The following CEMIP variants were observed in gnomAD, a reference collection of about 807,000 sequenced individuals.
CEMIP encodes cell migration-inducing and hyaluronan-binding protein.
Under a neutral mutation model 156.9 loss-of-function variants are expected in CEMIP, and 105 were observed. The observed-to-expected ratio is 0.67, with a 90% CI of 0.57 to 0.79. The LOEUF (loss-of-function observed/expected upper bound fraction) is 0.79, where lower values mean the gene tolerates loss of function less well. Ranked by LOEUF, CEMIP falls within the 30% of genes least tolerant of loss-of-function variation. The pLI is 0.00. For missense variants in CEMIP, 1,457 were observed against 1,769.4 expected, an observed-to-expected ratio of 0.82 and a Z score of 3.17; for synonymous variants, 676 against 668.4, an observed-to-expected ratio of 1.01 and a Z score of -0.17.
intron 10 of CEMIP, among the ~76,000 whole-genome samples, chr15:80,890,468 T>C (rs1380824918): frequency 1.3e-5 from 2 of 151,286 alleles, no homozygotes; most frequent in Non-Finnish European, 2.9e-5. Context: ...CGGGTGCCTG[T>C]AGTCCCAGCT....
At chr15:80,936,274 G>C (rs951550650) in intron 23 of CEMIP, among the ~76,000 whole-genome samples, 1 of 152,222 alleles carries the variant, frequency 6.6e-6, no homozygotes, top group African/African-American at 2.4e-5. Flanking sequence ...GCAACTGCCA[G>C]TTATAGGCGA....
At chr15:80,946,394 T>G (rs1294461541) in intron 28 of CEMIP, 1 of 155,678 alleles carries the variant, frequency 6.4e-6, no homozygotes, top group African/African-American at 2.4e-5. Context: ...AATTCTGTGG[T>G]TCTAATGAAA....
chr15:80,844,729 A>G (rs1019673719), intron 1 of CEMIP, among the ~76,000 whole-genome samples: 2 of 152,234 alleles, frequency 1.3e-5, no homozygotes, highest in African/African-American at 4.8e-5. Context: ...GCATGGAATG[A>G]GGCAGCCATG....
intron 24 of CEMIP, 21 bp downstream of exon 24, chr15:80,936,906 G>T: frequency 6.2e-7 from 1 of 1,609,466 alleles, no homozygotes; most frequent in Non-Finnish European, 8.5e-7. Context: ...GTCCAGCCAG[G>T]AGCAGTGAGC....
At chr15:80,916,480 G>C (rs968140350) in intron 14 of CEMIP, among the ~76,000 whole-genome samples, 7 of 152,224 alleles carry the variant, frequency 4.6e-5, no homozygotes, top group Non-Finnish European at 1.0e-4. Context: ...AATGGGGGGA[G>C]AACTTACATA....
At chr15:80,863,032 A>G (rs940738530) in intron 1 of CEMIP, among the ~76,000 whole-genome samples, 6 of 152,130 alleles carry the variant, frequency 3.9e-5, no homozygotes, top group African/African-American at 1.4e-4. Context: ...AGTCACTCCA[A>G]ACTGTAGGAG....
At chr15:80,885,883 G>T (rs1441609023) in intron 7 of CEMIP, among the ~76,000 whole-genome samples, 1 of 152,234 alleles carries the variant, frequency 6.6e-6, no homozygotes, top group Non-Finnish European at 1.5e-5. Context: ...TGCCAGGGCT[G>T]TTCACATGGG....
In CEMIP at chr15:80,818,121, C is replaced by T. The variant is rs77981510; in HGVS notation, c.-176+38507C>T. Among the ~76,000 whole-genome samples, 1,183 of 152,304 alleles carry T rather than the reference C, an allele frequency of 7.8e-3. 20 individuals carry two copies. Among genetic ancestry groups the T allele is most frequent in the African/African-American group, 0.026 (1,096 of 41,562 alleles). On this transcript the variant is annotated intron_variant, in intron 1 of 29. Coordinates refer to ENST00000394685, the MANE Select transcript of CEMIP (RefSeq NM_001293298.2). ...GCAGGAACAAACAATCCCCAAATTT[C>T]AGCAGCTTACTACAAAAAAATATGT...
chr15:80,781,252 G>A (rs867980860), intron 1 of CEMIP, among the ~76,000 whole-genome samples: 1 of 152,182 alleles, frequency 6.6e-6, no homozygotes, highest in Non-Finnish European at 1.5e-5. Context: ...TTAGTTTTAC[G>A]ATTAATGATA....
chr15:80,892,513 G>A (rs922935760), intron 10 of CEMIP, among the ~76,000 whole-genome samples: 2 of 152,168 alleles, frequency 1.3e-5, no homozygotes, highest in African/African-American at 2.4e-5. Context: ...GGGGACATCA[G>A]GCAGTCTGTG....
intron 5 of CEMIP, among the ~76,000 whole-genome samples, chr15:80,880,437 T>C (rs570352881): frequency 6.6e-6 from 1 of 152,292 alleles, no homozygotes; most frequent in East Asian, 1.9e-4. Context: ...TTTTTGTTGT[T>C]ATTGTTGTTG....
In CEMIP at chr15:80,909,216, A is replaced by G. The variant is rs747828428; in HGVS notation, c.1707A>G (p.Gly569=). Residue 569 remains glycine, a synonymous_variant, in exon 14 of 30, where the codon GGA becomes GGG. Coordinates refer to ENST00000394685, the MANE Select transcript of CEMIP (RefSeq NM_001293298.2). ...FHLAGDVDER[G]GYDPPTYIRD... is the part of the protein sequence containing the mutation. ...TGGCCGGTGATGTAGACGAAAGGGG[A>G]GGTTATGACCCACCCACATACATCA... 5.0e-6 allele frequency: 8 copies of G among 1,613,922 alleles called. No homozygotes were observed. The highest frequency in any genetic ancestry group is 6.8e-6 in the Non-Finnish European group (8 of 1,180,012).
At chr15:80,788,538 C>T (rs1239813265) in intron 1 of CEMIP, among the ~76,000 whole-genome samples, 4 of 151,072 alleles carry the variant, frequency 2.6e-5, no homozygotes, top group Admixed American at 1.3e-4. Context: ...TAGAAGAAAC[C>T]GGTGGTTTAT....
chr15:80,828,505 G>T (rs1423561401), intron 1 of CEMIP, among the ~76,000 whole-genome samples: 3 of 152,178 alleles, frequency 2.0e-5, no homozygotes, highest in African/African-American at 7.2e-5. Flanking sequence ...TTTGATCATA[G>T]AGCTTGATTT....
At chr15:80,897,019 C>A (rs1425918925) in intron 12 of CEMIP, among the ~76,000 whole-genome samples, 1 of 152,056 alleles carries the variant, frequency 6.6e-6, no homozygotes, top group Admixed American at 6.6e-5. Flanking sequence ...GTGTGCTCAC[C>A]CTTTGGCTAG....
rs766691380 is a variant in CEMIP at position 80,880,928 on chromosome 15, T to C, written c.409T>C (p.Tyr137His). ...TGATGAAGGTATTCAGCCGGATCCT[T>C]ACTATGGTCTGAAGTACATTGGGGT... ...RADEGIQPDP[Y>H]YGLKYIGVGK... Residue 137 changes from tyrosine (Y) to histidine (H), a missense_variant, in exon 6 of 30, where the codon TAC becomes CAC. Physicochemically the swap from Tyr to His is moderately conservative, Grantham distance 83 (BLOSUM62 2). Coordinates refer to ENST00000394685, the MANE Select transcript of CEMIP (RefSeq NM_001293298.2). 15 of 1,614,066 alleles carry C rather than the reference T, an allele frequency of 9.3e-6. No individual in the cohort carries two copies. The South Asian group carries it at 1.6e-4, about 18-fold the overall frequency.
At chr15:80,903,344 C>G (rs1899655358) in intron 12 of CEMIP, among the ~76,000 whole-genome samples, 1 of 152,146 alleles carries the variant, frequency 6.6e-6, no homozygotes, top group South Asian at 2.1e-4. Flanking sequence ...CAGGAACTCC[C>G]AGAAGGAAAG....
chr15:80,908,785 T>C (rs1466183004), intron 13 of CEMIP, among the ~76,000 whole-genome samples: 1 of 152,186 alleles, frequency 6.6e-6, no homozygotes, highest in Non-Finnish European at 1.5e-5. Flanking sequence ...CTCATAACAC[T>C]TGATGGTTTG....
At chr15:80,819,522 C>A (rs1896863088) in intron 1 of CEMIP, among the ~76,000 whole-genome samples, 2 of 152,230 alleles carry the variant, frequency 1.3e-5, no homozygotes, top group South Asian at 4.2e-4. Context: ...CAGGATGTGA[C>A]CTGGAATGGG....
Sources: gnomAD v4.1 joint callset for allele counts (sites outside exome capture counted in the v4.1 genomes callset) on GRCh38, gnomAD v4.1.1 for gene constraint, MANE v1.5 for transcripts, NCBI Gene and HGNC (gene_info 2026-07-23, HGNC 2026-07-21) for gene names.